Variants in PXDNL observed in about 807,000 individuals in gnomAD.
The protein encoded by PXDNL is peroxidasin like.
A neutral mutation model predicts 150.8 loss-of-function variants in PXDNL; 145 were observed. That is an observed-to-expected ratio of 0.96 (90% CI 0.84 to 1.10). PXDNL has a LOEUF of 1.10. PXDNL is among the 50% of genes least tolerant of loss of function. The probability of loss-of-function intolerance (pLI) is 0.00; values close to 1 mark genes in which losing one functional copy is unlikely to be tolerated. For missense variants in PXDNL, 2,087 were observed against 1,873.9 expected, an observed-to-expected ratio of 1.11 and a Z score of -2.10; for synonymous variants, 757 against 725.7, an observed-to-expected ratio of 1.04 and a Z score of -0.69.
At chr8:51,633,209 G>A (rs907918850) in intron 2 of PXDNL, among the ~76,000 whole-genome samples, 13 of 152,102 alleles carry the variant, frequency 8.5e-5, no homozygotes, top group Non-Finnish European at 1.3e-4. Context: ...CTGCATCCAC[G>A]TTACTGCAAA....
chr8:51,455,115 CAAA>C lies in PXDNL; in HGVS notation c.983-1333_983-1331del, dbSNP rs536468204. ...TGGGCGACAGAGCGAGACTCCGTCT[CAAA>C]AAAAAAAAAAAAAAAGAGGTAAGGG... is the stretch of plus-strand genomic sequence containing the variant. On this transcript the variant is annotated intron_variant, in intron 9 of 22. Coordinates refer to ENST00000356297, the MANE Select transcript of PXDNL (RefSeq NM_144651.5). Among the ~76,000 whole-genome samples, 16 of 15,856 alleles carry C rather than the reference CAAA, an allele frequency of 1.0e-3. 4 individuals are homozygous for C. The highest frequency in any genetic ancestry group is 0.022 in the South Asian group (2 of 92). 10.4% of individuals were successfully genotyped at this position (15,856 alleles called of 152,430 possible).
intron 14 of PXDNL, among the ~76,000 whole-genome samples, chr8:51,419,862 C>T (rs553138989): frequency 6.6e-6 from 1 of 152,130 alleles, no homozygotes; most frequent in East Asian, 1.9e-4. Flanking sequence ...ATATAAAATA[C>T]ATTGACAACA....
intron 1 of PXDNL, among the ~76,000 whole-genome samples, chr8:51,718,172 G>T (rs1056550619): frequency 1.3e-5 from 2 of 152,106 alleles, no homozygotes; most frequent in African/African-American, 4.8e-5. Context: ...GGAAAGCAAG[G>T]CCTGGGATTG....
chr8:51,541,044 G>T (rs1236442951), intron 4 of PXDNL, among the ~76,000 whole-genome samples: 3 of 151,944 alleles, frequency 2.0e-5, no homozygotes, highest in Admixed American at 6.6e-5. Flanking sequence ...TGGATCACAA[G>T]GTCAATAGAT....
At chr8:51,540,393 G>A (rs1021793908) in intron 4 of PXDNL, among the ~76,000 whole-genome samples, 2 of 151,626 alleles carry the variant, frequency 1.3e-5, no homozygotes, top group Non-Finnish European at 2.9e-5. Flanking sequence ...TTCTACTTTC[G>A]CTTTAGATAT....
intron 4 of PXDNL, among the ~76,000 whole-genome samples, chr8:51,553,767 T>C (rs1374306814): frequency 5.0e-5 from 3 of 60,200 alleles, no homozygotes; most frequent in African/African-American, 2.8e-4. Flanking sequence ...TATATATATA[T>C]ATATACACAC....
intron 21 of PXDNL, among the ~76,000 whole-genome samples, chr8:51,323,854 T>C (rs1412645650): frequency 6.6e-6 from 1 of 151,330 alleles, no homozygotes; most frequent in Non-Finnish European, 1.5e-5. Flanking sequence ...AGGTAGAAGT[T>C]GCAGTGAGCC....
chr8:51,326,176 T>C (rs1376168520), intron 21 of PXDNL, among the ~76,000 whole-genome samples: 6 of 152,192 alleles, frequency 3.9e-5, no homozygotes, highest in African/African-American at 1.4e-4. Context: ...TTAAACGTGA[T>C]ATCCAGGGGT....
At chr8:51,518,506 G>T (rs760017355) in intron 4 of PXDNL, among the ~76,000 whole-genome samples, 3 of 152,140 alleles carry the variant, frequency 2.0e-5, no homozygotes, top group Non-Finnish European at 4.4e-5. Context: ...AGATCACTAT[G>T]GACTGAAGTT....
intron 17 of PXDNL, among the ~76,000 whole-genome samples, chr8:51,380,212 G>A (rs1264846012): frequency 6.6e-6 from 1 of 152,098 alleles, no homozygotes; most frequent in Non-Finnish European, 1.5e-5. Context: ...GCCATCCTGG[G>A]CTGCGTGCCT....
chr8:51,464,188 A>T (rs1404276355), intron 8 of PXDNL, among the ~76,000 whole-genome samples: 1 of 152,002 alleles, frequency 6.6e-6, no homozygotes. Flanking sequence ...ATGCAGCAAG[A>T]CCCTGTATCT....
chr8:51,466,969 C>T (rs1218199745), intron 8 of PXDNL, among the ~76,000 whole-genome samples: 1 of 152,128 alleles, frequency 6.6e-6, no homozygotes, highest in Non-Finnish European at 1.5e-5. Context: ...TTAGCCACTG[C>T]AGAGAGCAGT....
chr8:51,434,788 T>C (rs190601178), intron 12 of PXDNL, among the ~76,000 whole-genome samples: 43 of 152,318 alleles, frequency 2.8e-4, no homozygotes, highest in Admixed American at 2.6e-3. Context: ...CACAGAATTA[T>C]GACAGAATGT....
intron 3 of PXDNL, among the ~76,000 whole-genome samples, chr8:51,569,326 G>C (rs1385812552): frequency 6.6e-6 from 1 of 151,858 alleles, no homozygotes; most frequent in East Asian, 1.9e-4. Context: ...TTCAATGGTG[G>C]TTTTACAGGT....
At chr8:51,634,410 A>G (rs1190391264) in intron 2 of PXDNL, among the ~76,000 whole-genome samples, 2 of 151,994 alleles carry the variant, frequency 1.3e-5, no homozygotes, top group African/African-American at 4.8e-5. Context: ...AAGTTGGGTT[A>G]TGTGATGCCT....
At chr8:51,760,985 A>T (rs1480738292) in intron 1 of PXDNL, among the ~76,000 whole-genome samples, 1 of 140,544 alleles carries the variant, frequency 7.1e-6, no homozygotes, top group Non-Finnish European at 1.5e-5. Flanking sequence ...CAGCCTCCGG[A>T]GTAGCTGGTT....
chr8:51,556,078 A>T (rs1812593915), intron 4 of PXDNL, among the ~76,000 whole-genome samples: 1 of 151,948 alleles, frequency 6.6e-6, no homozygotes, highest in Non-Finnish European at 1.5e-5. Context: ...TCAAGACCAG[A>T]CTGGCCAATG....
At chr8:51,563,608 A>T (rs1053313937) in intron 3 of PXDNL, among the ~76,000 whole-genome samples, 1 of 151,988 alleles carries the variant, frequency 6.6e-6, no homozygotes, top group African/African-American at 2.4e-5. Context: ...CCCAAATGGT[A>T]AATTTACCCA....
chr8:51,364,081 C>T (rs1806837373), intron 19 of PXDNL, among the ~76,000 whole-genome samples: 1 of 152,166 alleles, frequency 6.6e-6, no homozygotes, highest in African/African-American at 2.4e-5. Context: ...GGACTATCCC[C>T]CTAATAACAC....
Sources: allele counts gnomAD v4.1 joint callset (sites outside exome capture counted in the v4.1 genomes callset), GRCh38; gene constraint gnomAD v4.1.1; transcripts MANE v1.5; gene names NCBI Gene and HGNC (gene_info 2026-07-23, HGNC 2026-07-21).